The following ASAH2 variants were observed in gnomAD, a reference collection of about 807,000 sequenced individuals.
ASAH2 encodes the protein neutral ceramidase.
Under a neutral mutation model 82.9 loss-of-function variants are expected in ASAH2, and 58 were observed. The ratio of observed to expected loss-of-function variants is 0.70; its 90% CI spans 0.57 to 0.87. The LOEUF (loss-of-function observed/expected upper bound fraction) is 0.87, where lower values mean the gene tolerates loss of function less well. Among genes scored for constraint, ASAH2 ranks in the 40% least tolerant of loss-of-function variants. The probability of loss-of-function intolerance (pLI) is 0.00; values close to 1 mark genes in which losing one functional copy is unlikely to be tolerated. For synonymous variants in ASAH2, 276 were observed against 289.7 expected (o/e 0.95, Z 0.48); for missense variants, 779 against 834.0 (o/e 0.93, Z 0.81).
intron 7 of ASAH2, 68 bp from the exon 8 acceptor site, chr10:50,218,698 G>A (rs984397200): frequency 5.1e-6 from 8 of 1,582,782 alleles, no homozygotes; most frequent in Middle Eastern, 1.7e-4. Flanking sequence ...AACTATGACT[G>A]GGAGCTTAAG....
chr10:50,239,285 A>T (rs1846233442), intron 4 of ASAH2, among the ~76,000 whole-genome samples: 1 of 152,168 alleles, frequency 6.6e-6, no homozygotes, highest in Non-Finnish European at 1.5e-5. Flanking sequence ...TTTATTTTTC[A>T]CACCTTCCTT....
In ASAH2 at chr10:50,212,182, A is replaced by AACACAC. The variant is rs3837301; in HGVS notation, c.1227+784_1227+789dup. Reference sequence around the variant, plus strand: ...TAGAACCCTTGGAATAAACTATTTAAACACACACACACACACACACACACA... The same window carrying AACACAC: ...TAGAACCCTTGGAATAAACTATTTAAACACACACACACACACACACACACACACACA... On this transcript the variant is annotated intron_variant, in intron 10 of 20. Transcript: ENST00000682911. Among the ~76,000 whole-genome samples, 1,013 of 146,998 alleles carry AACACAC rather than the reference A, an allele frequency of 6.9e-3. 11 individuals carry two copies. Among genetic ancestry groups the AACACAC allele is most frequent in the Middle Eastern group, 0.042 (12 of 284 alleles).
Position 50,227,623 on chromosome 10 carries a change from G to GA in ASAH2, c.893+5560dup, listed in dbSNP as rs1160572574. ...GGTAAGCACACACTATTTTTATACT[G>GA]AAAAAAAACTTAGAAAAAAAAAATA... On this transcript the variant is annotated intron_variant, in intron 7 of 20. Transcript: ENST00000682911. Among the ~76,000 whole-genome samples, 11 of 150,968 alleles carry GA rather than the reference G, an allele frequency of 7.3e-5. 1 individual carries two copies. The South Asian group carries it at 1.5e-3, about 20-fold the overall frequency.
intron 16 of ASAH2, among the ~76,000 whole-genome samples, chr10:50,200,227 A>C (rs1382793962): frequency 6.6e-6 from 1 of 151,258 alleles, no homozygotes; most frequent in Non-Finnish European, 1.5e-5. Flanking sequence ...AAATTTTATC[A>C]AAGCATTCTC....
At chr10:50,223,832 G>A (rs923610335) in intron 7 of ASAH2, among the ~76,000 whole-genome samples, 4 of 152,164 alleles carry the variant, frequency 2.6e-5, no homozygotes, top group African/African-American at 7.2e-5. Context: ...GTGATATGAA[G>A]ATGGGGGCAC....
Position 50,195,277 on chromosome 10 carries a change from C to T in ASAH2, c.2004+1496G>A, listed in dbSNP as rs1487477355. ...CTAAAGAAGACATACAAATGCTCAA[C>T]AGGGTATTTTTTTAAATGTTCAATA... On this transcript the variant is annotated intron_variant, in intron 18 of 20. Coordinates refer to ENST00000682911, the MANE Select transcript of ASAH2 (RefSeq NM_019893.4). 1.1e-3 allele frequency among the ~76,000 whole-genome samples: 171 copies of T among 151,574 alleles called. 1 individual carries two copies. The highest frequency in any genetic ancestry group is 3.4e-3 in the Middle Eastern group (1 of 294).
intron 7 of ASAH2, 40 bp from the exon 8 acceptor site, chr10:50,218,670 G>C (rs56083155): frequency 0.85 from 1,371,084 of 1,611,084 alleles, 591,469 homozygotes; most frequent in Non-Finnish European, 0.89. Flanking sequence ...TCAGGAGAAC[G>C]AGAGAACTGG....
At chr10:50,231,366 G>A (rs928687498) in intron 7 of ASAH2, among the ~76,000 whole-genome samples, 2 of 152,072 alleles carry the variant, frequency 1.3e-5, no homozygotes, top group African/African-American at 4.8e-5. Context: ...ACTCCTTGAA[G>A]GTCCAACTCA....
Position 50,247,323 on chromosome 10 carries a change from ATT to A in ASAH2, c.127+1159_127+1160del, listed in dbSNP as rs34724803. On this transcript the variant is annotated intron_variant, in intron 2 of 20. Transcript: ENST00000682911. ...CAGGCGTGCACCACCACAAACAGCT[ATT>A]TTTTTTTTTTTTAATTTTTAGCAGA... 2.2e-3 allele frequency among the ~76,000 whole-genome samples: 325 copies of A among 147,990 alleles called. 2 individuals are homozygous for A. Among genetic ancestry groups the A allele is most frequent in the African/African-American group, 5.5e-3 (219 of 40,002 alleles).
intron 8 of ASAH2, among the ~76,000 whole-genome samples, chr10:50,218,285 A>G (rs1845660484): frequency 6.6e-6 from 1 of 152,244 alleles, no homozygotes; most frequent in Non-Finnish European, 1.5e-5. Context: ...TTATGAAGCA[A>G]TGAATATAAG....
intron 3 of ASAH2, 61 bp downstream of exon 3, chr10:50,245,161 G>T (rs868450630): frequency 3.0e-6 from 4 of 1,343,082 alleles, no homozygotes; most frequent in South Asian, 1.2e-5. Context: ...ATGAATGCAG[G>T]TTGTAAAATA....
chr10:50,193,935 G>A lies in ASAH2; in HGVS notation c.2005-1223C>T, dbSNP rs1222911971. Reference sequence around the variant, plus strand: ...CTAGAATGATACCAATTCCTATAAAGATAAATTCCTAGAAAGACACAAAAT... The same window carrying A: ...CTAGAATGATACCAATTCCTATAAAAATAAATTCCTAGAAAGACACAAAAT... On this transcript the variant is annotated intron_variant, in intron 18 of 20. Coordinates refer to ENST00000682911, the MANE Select transcript of ASAH2 (RefSeq NM_019893.4). 7.3e-5 allele frequency among the ~76,000 whole-genome samples: 11 copies of A among 150,950 alleles called. No individual in the cohort carries two copies. The South Asian group carries it at 8.3e-4, about 11-fold the overall frequency.
chr10:50,235,787 A>T (rs966894732), intron 5 of ASAH2, 101 bp downstream of exon 5: 53 of 1,346,846 alleles, frequency 3.9e-5, no homozygotes, highest in Non-Finnish European at 5.4e-5. Context: ...TACTATGCTC[A>T]GACCCAAATC....
intron 1 of ASAH2, among the ~76,000 whole-genome samples, 166 bp downstream of exon 1, chr10:50,251,229 G>T (rs1846605429): frequency 6.6e-6 from 1 of 152,134 alleles, no homozygotes; most frequent in Non-Finnish European, 1.5e-5. Flanking sequence ...ACATAACGGG[G>T]TCCCTGTTTT....
At chr10:50,233,152 A>G in intron 7 of ASAH2, 32 bp downstream of exon 7, 2 of 1,462,664 alleles carry the variant, frequency 1.4e-6, no homozygotes, top group Non-Finnish European at 1.9e-6. Context: ...AAGCTACCCG[A>G]CAGAATTATT....
At chr10:50,222,202 C>T (rs1362895202) in intron 7 of ASAH2, among the ~76,000 whole-genome samples, 1 of 151,966 alleles carries the variant, frequency 6.6e-6, no homozygotes, top group Non-Finnish European at 1.5e-5. Flanking sequence ...CCATCAAGGA[C>T]CTTGCACAAT....
intron 16 of ASAH2, 37 bp downstream of exon 16, chr10:50,202,792 T>C: frequency 1.5e-6 from 2 of 1,312,024 alleles, no homozygotes; most frequent in East Asian, 2.3e-5. Flanking sequence ...TTTACTGGGG[T>C]ATAATTCATT....
Position 50,189,219 on chromosome 10 carries a change from C to A in ASAH2, c.2153+280G>T, listed in dbSNP as rs867995611. ...AGCTAGTTAGATTTTACAAATAATACCTGTGTCCATGGGGAAAAAAAACAG... is the reference window on the plus strand; with the variant it reads ...AGCTAGTTAGATTTTACAAATAATAACTGTGTCCATGGGGAAAAAAAACAG... On this transcript the variant is annotated intron_variant, in intron 20 of 20. Coordinates refer to ENST00000682911, the MANE Select transcript of ASAH2 (RefSeq NM_019893.4). Among the ~76,000 whole-genome samples, 40 of 145,668 alleles carry A rather than the reference C, an allele frequency of 2.7e-4. 2 individuals carry two copies. In the South Asian group the frequency reaches 8.2e-3, roughly 30 times the overall value.
chr10:50,230,350 G>A (rs1469858194), intron 7 of ASAH2, among the ~76,000 whole-genome samples: 2 of 152,090 alleles, frequency 1.3e-5, no homozygotes, highest in East Asian at 3.9e-4. Flanking sequence ...GTTAAACTAG[G>A]TCATCTCCAT....
Sources: gnomAD v4.1 joint callset for allele counts (sites outside exome capture counted in the v4.1 genomes callset) on GRCh38, gnomAD v4.1.1 for gene constraint, MANE v1.5 for transcripts, NCBI Gene and HGNC (gene_info 2026-07-23, HGNC 2026-07-21) for gene names.